The following NKAIN3 variants were observed in gnomAD, a reference collection of about 807,000 sequenced individuals.
NKAIN3 encodes the protein sodium/potassium transporting ATPase interacting 3, also known as sodium/potassium-transporting ATPase subunit beta-1-interacting protein 3.
Under a neutral mutation model 30.2 loss-of-function variants are expected in NKAIN3, and 25 were observed. The ratio of observed to expected loss-of-function variants is 0.83; its 90% CI spans 0.60 to 1.16. The LOEUF (loss-of-function observed/expected upper bound fraction) is 1.16. Among genes scored for constraint, NKAIN3 ranks in the 50% most tolerant of loss-of-function variants. NKAIN3 has a pLI of 0.00. For missense variants in NKAIN3, 225 were observed against 254.1 expected (o/e 0.89, Z 0.78); for synonymous variants, 91 against 89.6 (o/e 1.02, Z -0.09).
At chr8:62,361,628 G>A (rs6991069) in intron 1 of NKAIN3, among the ~76,000 whole-genome samples, 4 of 152,248 alleles carry the variant, frequency 2.6e-5, no homozygotes, top group African/African-American at 7.2e-5. Flanking sequence ...AATCCTTGCA[G>A]GTCTATGATT....
intron 1 of NKAIN3, among the ~76,000 whole-genome samples, chr8:62,495,920 A>G (rs565349739): frequency 6.6e-6 from 1 of 152,232 alleles, no homozygotes; most frequent in South Asian, 2.1e-4. Flanking sequence ...AGCCCCAGCT[A>G]TGCTGACTCC....
chr8:62,269,860 C>T (rs1585616353), intron 1 of NKAIN3, among the ~76,000 whole-genome samples: 1 of 152,124 alleles, frequency 6.6e-6, no homozygotes, highest in African/African-American at 2.4e-5. Flanking sequence ...ACGAGATTCA[C>T]TGTTTTATAG....
intron 1 of NKAIN3, among the ~76,000 whole-genome samples, chr8:62,322,894 C>T (rs527616853): frequency 3.9e-4 from 59 of 152,256 alleles, no homozygotes; most frequent in Non-Finnish European, 6.9e-4. Context: ...ATGCACAGAT[C>T]GCTAATAAAC....
At chr8:62,676,545 C>T (rs1047084556) in intron 3 of NKAIN3, among the ~76,000 whole-genome samples, 4 of 152,192 alleles carry the variant, frequency 2.6e-5, no homozygotes, top group Admixed American at 6.5e-5. Context: ...CTCCAGCCTC[C>T]GCGACAGAGC....
intron 1 of NKAIN3, among the ~76,000 whole-genome samples, chr8:62,330,038 G>A (rs1049097995): frequency 6.6e-6 from 1 of 152,102 alleles, no homozygotes; most frequent in South Asian, 2.1e-4. Flanking sequence ...GACAAGAACA[G>A]CCAAATGAAT....
chr8:62,546,100 A>G (rs1421797157), intron 1 of NKAIN3, among the ~76,000 whole-genome samples: 2 of 152,170 alleles, frequency 1.3e-5, no homozygotes, highest in African/African-American at 4.8e-5. Flanking sequence ...GTTGTCTGAC[A>G]TTCTGGATAG....
chr8:62,801,250 C>G (rs997077199), intron 4 of NKAIN3, among the ~76,000 whole-genome samples: 37 of 152,222 alleles, frequency 2.4e-4, no homozygotes, highest in African/African-American at 8.7e-4. Flanking sequence ...TGTCTGACAG[C>G]TTTGAAGAGA....
At chr8:62,284,268 G>A (rs978762433) in intron 1 of NKAIN3, among the ~76,000 whole-genome samples, 6 of 152,072 alleles carry the variant, frequency 3.9e-5, no homozygotes, top group African/African-American at 9.6e-5. Flanking sequence ...TGGGACTTAC[G>A]GGGAGACAGT....
chr8:62,486,201 A>G (rs1806896694), intron 1 of NKAIN3, among the ~76,000 whole-genome samples: 1 of 152,148 alleles, frequency 6.6e-6, no homozygotes, highest in Non-Finnish European at 1.5e-5. Context: ...AGATTGAGAA[A>G]GTCTGATGAG....
intron 1 of NKAIN3, among the ~76,000 whole-genome samples, chr8:62,352,264 C>T (rs1816203666): frequency 6.6e-6 from 1 of 152,148 alleles, no homozygotes; most frequent in Non-Finnish European, 1.5e-5. Flanking sequence ...AGGCTTAGCC[C>T]TCCTCGCCTG....
At chr8:62,702,897 A>C (rs1814386150) in intron 3 of NKAIN3, among the ~76,000 whole-genome samples, 1 of 152,206 alleles carries the variant, frequency 6.6e-6, no homozygotes, top group African/African-American at 2.4e-5. Flanking sequence ...CATATACAAC[A>C]TGTCAATGTA....
At chr8:62,830,313 A>G (rs375626364) in intron 4 of NKAIN3, among the ~76,000 whole-genome samples, 66 of 152,284 alleles carry the variant, frequency 4.3e-4, no homozygotes, top group African/African-American at 1.6e-3. Context: ...GTTTTCTCCC[A>G]CTAAGAAACA....
chr8:62,788,463 A>C lies in NKAIN3; in HGVS notation c.471+41334A>C, dbSNP rs202032222. On this transcript the variant is annotated intron_variant, in intron 4 of 6. Coordinates refer to ENST00000623646, the MANE Select transcript of NKAIN3 (RefSeq NM_001304533.3). ...TTTGTCAGATGAGTAGATTGCAAAA[A>C]TTTTCTCCCATTCTGTAGGTTGCCT... Among the ~76,000 whole-genome samples the C allele has an allele frequency of 2.0e-5, 3 of 151,402 alleles. 1 individual carries two copies. Among genetic ancestry groups the C allele is most frequent in the African/African-American group, 7.3e-5 (3 of 41,122 alleles).
chr8:62,451,547 C>G (rs533269295), intron 1 of NKAIN3, among the ~76,000 whole-genome samples: 50 of 152,128 alleles, frequency 3.3e-4, no homozygotes, highest in Non-Finnish European at 6.8e-4. Flanking sequence ...AACTCATGCT[C>G]TTTGCTGGGC....
At chr8:62,582,804 G>C (rs542269678) in intron 2 of NKAIN3, among the ~76,000 whole-genome samples, 1 of 148,892 alleles carries the variant, frequency 6.7e-6, no homozygotes, top group African/African-American at 2.5e-5. Flanking sequence ...GCTCTCTAGA[G>C]GTGAGTAAAT....
chr8:62,658,909 G>A (rs565980877), intron 3 of NKAIN3, among the ~76,000 whole-genome samples: 5 of 151,942 alleles, frequency 3.3e-5, no homozygotes, highest in African/African-American at 1.2e-4. Flanking sequence ...TATCTAGAAT[G>A]CAGGAGTTAT....
chr8:62,797,667 A>T (rs1384854936), intron 4 of NKAIN3, among the ~76,000 whole-genome samples: 2 of 152,166 alleles, frequency 1.3e-5, no homozygotes, highest in Non-Finnish European at 2.9e-5. Flanking sequence ...GCAATGTCTA[A>T]ACAAGGTAAA....
chr8:62,662,374 C>G (rs998470067), intron 3 of NKAIN3, among the ~76,000 whole-genome samples: 2 of 152,218 alleles, frequency 1.3e-5, no homozygotes, highest in African/African-American at 4.8e-5. Flanking sequence ...ATGAGGGTCA[C>G]AGTGTCTTTC....
intron 1 of NKAIN3, among the ~76,000 whole-genome samples, chr8:62,411,303 A>G (rs1176134558): frequency 6.6e-6 from 1 of 152,186 alleles, no homozygotes; most frequent in Non-Finnish European, 1.5e-5. Context: ...CAAAAACATG[A>G]GATCCTTTCA....
Sources: allele counts gnomAD v4.1 joint callset (sites outside exome capture counted in the v4.1 genomes callset), GRCh38; gene constraint gnomAD v4.1.1; transcripts MANE v1.5; gene names NCBI Gene and HGNC (gene_info 2026-07-23, HGNC 2026-07-21).